Variants in RBMS3 observed in about 807,000 individuals in gnomAD.
RBMS3 encodes the protein RNA-binding motif, single-stranded-interacting protein 3.
Under a neutral mutation model 66.8 loss-of-function variants are expected in RBMS3, and 27 were observed. The ratio of observed to expected loss-of-function variants is 0.40; its 90% CI spans 0.30 to 0.56. The LOEUF is 0.56. Ranked by LOEUF, RBMS3 falls within the 20% of genes least tolerant of loss-of-function variation. The pLI, the probability that RBMS3 is intolerant of heterozygous loss-of-function variation, is 0.40. For missense variants in RBMS3, 513 were observed against 549.5 expected (o/e 0.93, Z 0.66); for synonymous variants, 188 against 183.0 (o/e 1.03, Z -0.22).
chr3:29,355,588 C>A (rs563977870), intron 1 of RBMS3, among the ~76,000 whole-genome samples: 1 of 151,346 alleles, frequency 6.6e-6, no homozygotes, highest in South Asian at 2.1e-4. Flanking sequence ...GTTGATGATA[C>A]CTGTTTAATT....
At chr3:29,931,287 G>T (rs546609034) in intron 10 of RBMS3, among the ~76,000 whole-genome samples, 1 of 152,226 alleles carries the variant, frequency 6.6e-6, no homozygotes, top group East Asian at 1.9e-4. Context: ...AAGATGTAAC[G>T]TGGAAAGAAA....
intron 1 of RBMS3, among the ~76,000 whole-genome samples, chr3:29,354,664 A>G (rs559432029): frequency 1.3e-5 from 2 of 152,302 alleles, no homozygotes; most frequent in South Asian, 4.1e-4. Context: ...GAATTTCAAT[A>G]TATGATACTA....
At chr3:29,809,367 C>T (rs1159939530) in intron 6 of RBMS3, among the ~76,000 whole-genome samples, 2 of 150,876 alleles carry the variant, frequency 1.3e-5, no homozygotes, top group Non-Finnish European at 3.0e-5. Context: ...TGTTAAAATA[C>T]CTAAGTCTTA....
chr3:29,545,256 G>A (rs1332098710), intron 3 of RBMS3, among the ~76,000 whole-genome samples: 1 of 151,944 alleles, frequency 6.6e-6, no homozygotes, highest in Non-Finnish European at 1.5e-5. Flanking sequence ...AAAACATTAA[G>A]TATAATACTA....
chr3:29,673,482 A>T (rs1278356738), intron 4 of RBMS3, among the ~76,000 whole-genome samples: 4 of 151,508 alleles, frequency 2.6e-5, no homozygotes, highest in Non-Finnish European at 2.9e-5. Context: ...TTTTTAAAAG[A>T]TCAACAAAAT....
chr3:29,596,431 G>T (rs1263823361), intron 4 of RBMS3, among the ~76,000 whole-genome samples: 1 of 152,196 alleles, frequency 6.6e-6, no homozygotes, highest in Admixed American at 6.5e-5. Flanking sequence ...CAGACAAACG[G>T]ATGCAGGGAA....
intron 3 of RBMS3, among the ~76,000 whole-genome samples, chr3:29,532,237 CATATATATGTATATATATATATATGT>C (rs1437412864): frequency 0.023 from 2,086 of 92,134 alleles, 61 homozygotes; most frequent in Non-Finnish European, 0.03. Flanking sequence ...TTTAATTTCG[CATATATATGTATATATATATATATGT>C]ATATATATAT....
At chr3:29,667,961 G>T (rs147986193) in intron 4 of RBMS3, among the ~76,000 whole-genome samples, 1 of 151,998 alleles carries the variant, frequency 6.6e-6, no homozygotes, top group Admixed American at 6.6e-5. Flanking sequence ...TCAGAATAAG[G>T]ATAGGAGATG....
chr3:29,388,351 C>A (rs1340923530), intron 1 of RBMS3, among the ~76,000 whole-genome samples: 1 of 152,060 alleles, frequency 6.6e-6, no homozygotes, highest in African/African-American at 2.4e-5. Flanking sequence ...TAGAAGAGTC[C>A]GTGATATATA....
intron 7 of RBMS3, among the ~76,000 whole-genome samples, chr3:29,877,148 C>T (rs145965106): frequency 0.013 from 1,945 of 152,252 alleles, 53 homozygotes; most frequent in African/African-American, 0.045. Context: ...GTCTGGAATT[C>T]AGGATACAAA....
chr3:29,988,820 T>A (rs1315361848), intron 13 of RBMS3, among the ~76,000 whole-genome samples: 1 of 152,200 alleles, frequency 6.6e-6, no homozygotes, highest in Admixed American at 6.5e-5. Context: ...TTTTAGGTAC[T>A]ATCCAGACCT....
intron 4 of RBMS3, among the ~76,000 whole-genome samples, chr3:29,737,956 G>A (rs2054456862): frequency 6.6e-6 from 1 of 151,472 alleles, no homozygotes; most frequent in Non-Finnish European, 1.5e-5. Context: ...AAATATTAAG[G>A]CTCTAGTCAT....
chr3:29,532,281 T>TATATATATATATA (rs2045392095), intron 3 of RBMS3, among the ~76,000 whole-genome samples: 1 of 142,848 alleles, frequency 7.0e-6, no homozygotes, highest in East Asian at 2.1e-4. Context: ...TATATATATA[T>TATATATATATATA]TTCCATAGAC....
At chr3:29,538,048 T>G (rs1173219419) in intron 3 of RBMS3, among the ~76,000 whole-genome samples, 1 of 152,302 alleles carries the variant, frequency 6.6e-6, no homozygotes, top group African/African-American at 2.4e-5. Flanking sequence ...CCTGGGCCTG[T>G]CATATTAACC....
chr3:29,659,770 T>C (rs2050463348), intron 4 of RBMS3, among the ~76,000 whole-genome samples: 1 of 152,146 alleles, frequency 6.6e-6, no homozygotes, highest in Non-Finnish European at 1.5e-5. Context: ...CTGCATCATA[T>C]GGTAATTCCA....
chr3:29,867,548 C>T (rs73053797), intron 6 of RBMS3, among the ~76,000 whole-genome samples: 42,430 of 143,528 alleles, frequency 0.3, 10,139 homozygotes, highest in African/African-American at 0.67. Context: ...GGATGACGTA[C>T]CTTTATTCGC....
At position 29,453,992 on chromosome 3, in the gene RBMS3, T is replaced by C. The variant is rs527646620; in HGVS notation, c.248+19077T>C. On this transcript the variant is annotated intron_variant, in intron 2 of 14. Coordinates refer to ENST00000383767, the MANE Select transcript of RBMS3 (RefSeq NM_001003793.3). ...ATAGAGCCACAACCAGTGACTGTAA[T>C]GATAGTAGCAATAGGTGATCACAGT... Among the ~76,000 whole-genome samples, 5 of 152,264 alleles carry C rather than the reference T, an allele frequency of 3.3e-5. No homozygotes were observed. The South Asian group carries it at 1.0e-3, about 32-fold the overall frequency.
rs1406994630 is a variant in RBMS3 at position 29,648,524 on chromosome 3, T to C, written c.399+61319T>C. On this transcript the variant is annotated intron_variant, in intron 4 of 14. Transcript: ENST00000383767. ...CTGAGTTCAAGCCATTCTCCTATCT[T>C]GGCCTCCCAAAGTGCCGAGATTACA... is the stretch of plus-strand genomic sequence containing the variant. Among the ~76,000 whole-genome samples the C allele has an allele frequency of 2.0e-5, 3 of 152,118 alleles. No individual in the cohort carries two copies. The East Asian group carries it at 5.8e-4, about 30-fold the overall frequency.
intron 3 of RBMS3, among the ~76,000 whole-genome samples, chr3:29,579,415 A>G (rs1448597256): frequency 6.6e-6 from 1 of 152,082 alleles, no homozygotes; most frequent in African/African-American, 2.4e-5. Flanking sequence ...CCTTGTATGG[A>G]GGAATAGTCT....
Sources: gnomAD v4.1 joint callset for allele counts (sites outside exome capture counted in the v4.1 genomes callset) on GRCh38, gnomAD v4.1.1 for gene constraint, MANE v1.5 for transcripts, NCBI Gene and HGNC (gene_info 2026-07-23, HGNC 2026-07-21) for gene names.